The following CAPNS1 variants were observed in gnomAD, a reference collection of about 807,000 sequenced individuals.
CAPNS1 encodes calpain small subunit 1, also known as CANP small subunit.
Under a neutral mutation model 39.2 loss-of-function variants are expected in CAPNS1, and 32 were observed. That is an observed-to-expected ratio of 0.82 (90% confidence interval 0.62 to 1.10). The LOEUF is 1.10. Among genes scored for constraint, CAPNS1 ranks in the 50% least tolerant of loss-of-function variants. The pLI is 0.00. For synonymous variants in CAPNS1, 153 were observed against 136.2 expected (o/e 1.12, Z -0.86); for missense variants, 353 against 373.1 (o/e 0.95, Z 0.44).
At position 36,142,690 on chromosome 19, in the gene CAPNS1, G is replaced by A. The variant is rs1383097631; in HGVS notation, c.282G>A (p.Glu94=). The change falls in exon 4 of 11, where the codon GAG becomes GAA. Residue 94 remains glutamate, a synonymous_variant. Coordinates refer to ENST00000246533, the MANE Select transcript of CAPNS1 (RefSeq NM_001749.4). ...RTHYSNIEAN[E]SEEVRQFRRL... is the part of the protein sequence containing the mutation. ...ATTACTCCAACATTGAGGCCAACGA[G>A]AGTGAGGAGGTCCGGCAGTTCCGGA... 4 of 1,614,180 alleles carry A rather than the reference G, an allele frequency of 2.5e-6. No individual in the cohort carries two copies. In the South Asian group the frequency reaches 4.4e-5, roughly 18 times the overall value.
At chr19:36,144,453 G>C (rs559066196) in intron 6 of CAPNS1, among the ~76,000 whole-genome samples, 1 of 152,318 alleles carries the variant, frequency 6.6e-6, no homozygotes, top group South Asian at 2.1e-4. Context: ...ATACGTGAAG[G>C]TGTATGAGGC....
chr19:36,147,436 C>T (rs17885385), intron 9 of CAPNS1, among the ~76,000 whole-genome samples: 2 of 152,142 alleles, frequency 1.3e-5, no homozygotes, highest in African/African-American at 2.4e-5. Flanking sequence ...AGGTTCTAGG[C>T]AGAGGGAGGA....
rs145643977 is a variant in CAPNS1, at chr19:36,146,302, C to T, written c.711C>T (p.Asp237=). The change falls in exon 9 of 11, where the codon GAC becomes GAT. Residue 237 remains aspartate, a synonymous_variant. Transcript: ENST00000246533. ...TCATCAGCTGCTTGGTCAGGCTGGA[C>T]GCCATGTTCCGTGAGTGACAACCCA... ...DNFISCLVRL[D]AMFRAFKSLD... is the part of the protein sequence containing the mutation. 4,524 of 1,609,430 alleles carry T rather than the reference C, an allele frequency of 2.8e-3. 16 individuals are homozygous for T. The highest frequency in any genetic ancestry group is 2.9e-3 in the Non-Finnish European group (3,437 of 1,175,790).
intron 8 of CAPNS1, 47 bp downstream of exon 8, chr19:36,146,101 A>G (rs757119229): frequency 4.2e-5 from 68 of 1,601,976 alleles, no homozygotes; most frequent in Non-Finnish European, 5.6e-5. Context: ...GATGGGTGAG[A>G]AAACCTCTAC....
At chr19:36,145,765 T>C (rs768400171) in intron 6 of CAPNS1, 41 bp from the exon 7 acceptor site, 1 of 1,566,678 alleles carries the variant, frequency 6.4e-7, no homozygotes, top group Non-Finnish European at 8.8e-7. Context: ...GATGCATGCA[T>C]CTGGGTGTAG....
chr19:36,143,129 G>A lies in CAPNS1; in HGVS notation c.456+1G>A. 6.2e-7 allele frequency: 1 copy of A among 1,613,830 alleles called. No individual in the cohort carries two copies. On this transcript the variant is annotated splice_donor_variant, in intron 6 of 10. Coordinates refer to ENST00000246533, the MANE Select transcript of CAPNS1 (RefSeq NM_001749.4). LOFTEE classifies it high-confidence loss of function. The stretch of plus-strand genomic sequence containing the variant: ...TCGCAGCATGGTGGCCGTGATGGAT[G>A]TATCCTTGGGGGCAGTGTGGGAGAG...
chr19:36,148,524 A>AT (rs1368034144), intron 9 of CAPNS1, among the ~76,000 whole-genome samples: 2 of 149,884 alleles, frequency 1.3e-5, no homozygotes, highest in East Asian at 3.9e-4. Flanking sequence ...AAAAAAAAAA[A>AT]AAAGGGCTGG....
In CAPNS1 at chr19:36,141,056, CGGG is replaced by C; in HGVS notation, c.48_50del (p.Gly20del). On this transcript the variant is annotated inframe_deletion, in exon 2 of 11. Transcript: ENST00000246533. ...TCTTGAAGGGCGGCGGCGGCGGCGG[CGGG>C]GGAGGCGGGGGCCTGGGTGGGGGCC... 1 of 552,600 alleles carries C rather than the reference CGGG, an allele frequency of 1.8e-6. No homozygotes were observed. Among genetic ancestry groups the C allele is most frequent in the Non-Finnish European group, 3.0e-6 (1 of 337,466 alleles). 34.2% of individuals were successfully genotyped at this position (552,600 alleles called of 1,614,324 possible). A position where few individuals can be genotyped will look rare whatever the true frequency, so the allele number is the denominator to read the frequency against.
Position 36,149,952 on chromosome 19 carries a change from C to G in CAPNS1, c.*113C>G. On this transcript the variant is annotated 3_prime_UTR_variant, in exon 11 of 11. Transcript: ENST00000246533. ...TCACATCTTTGTGGGGCCTGCTGACCCACAAGCTTTTGTTCTCTCAGTACT... is the reference window on the plus strand; with the variant it reads ...TCACATCTTTGTGGGGCCTGCTGACGCACAAGCTTTTGTTCTCTCAGTACT... 9.6e-7 allele frequency: 1 copy of G among 1,044,540 alleles called. No individual in the cohort carries two copies. The highest frequency in any genetic ancestry group is 1.3e-6 in the Non-Finnish European group (1 of 770,686). The allele number at this position is 1,044,540 out of a possible 1,614,324, so 64.7% of individuals were successfully genotyped here.
rs746032682 is a variant in CAPNS1 at position 36,143,109 on chromosome 19, G to A, written c.437G>A (p.Ser146Asn). 3.1e-6 allele frequency: 5 copies of A among 1,614,140 alleles called. No individual in the cohort carries two copies. Among genetic ancestry groups the A allele is most frequent in the East Asian group, 2.2e-5 (1 of 44,886 alleles). ...GGTTTTGGCATTGACACATGTCGCAGCATGGTGGCCGTGATGGATGTATCC... is the reference window on the plus strand; with the variant it reads ...GGTTTTGGCATTGACACATGTCGCAACATGGTGGCCGTGATGGATGTATCC... ...TDGFGIDTCR[S>N]MVAVMDSDTT... Residue 146 changes from serine (S) to asparagine (N), a missense_variant, in exon 6 of 11, where the codon AGC (serine) becomes AAC (asparagine). By Grantham distance (46) the Ser-to-Asn change is conservative. Transcript: ENST00000246533.
chr19:36,143,242 C>T, intron 6 of CAPNS1, 114 bp downstream of exon 6: 1 of 899,420 alleles, frequency 1.1e-6, no homozygotes, highest in Non-Finnish European at 1.9e-6. Flanking sequence ...ATGCATTCAT[C>T]AGAACACAGT....
chr19:36,143,808 A>T (rs1974465545), intron 6 of CAPNS1, among the ~76,000 whole-genome samples: 1 of 147,626 alleles, frequency 6.8e-6, no homozygotes, highest in African/African-American at 2.5e-5. Flanking sequence ...GCTTGCAGTG[A>T]GCCGAGATCG....
intron 9 of CAPNS1, chr19:36,147,939 G>C (rs1974632002): frequency 6.6e-6 from 1 of 151,882 alleles, no homozygotes; most frequent in Non-Finnish European, 1.5e-5. Context: ...CAGGCGTGGG[G>C]GCGTGTCTGT....
intron 1 of CAPNS1, chr19:36,140,690 G>T: frequency 3.0e-6 from 1 of 329,668 alleles, no homozygotes; most frequent in East Asian, 6.1e-5. Context: ...CAGACATGTC[G>T]GGAACGCCTT....
At chr19:36,141,475 TC>T in intron 2 of CAPNS1, 1 of 1,264,166 alleles carries the variant, frequency 7.9e-7, no homozygotes, top group East Asian at 3.3e-5. Flanking sequence ...GACAATGTGG[TC>T]CTGAGGGGAC....
chr19:36,145,632 A>T, intron 6 of CAPNS1, 174 bp from the exon 7 acceptor site: 1 of 591,364 alleles, frequency 1.7e-6, no homozygotes, highest in South Asian at 2.1e-5. Context: ...AAGTGACAAT[A>T]TGTATGGATA....
intron 4 of CAPNS1, 70 bp from the exon 5 acceptor site, chr19:36,142,839 T>C: frequency 6.3e-7 from 1 of 1,591,244 alleles, no homozygotes; most frequent in Non-Finnish European, 8.6e-7. Flanking sequence ...AATCCCAGTG[T>C]TCCCATTCTC....
intron 9 of CAPNS1, 86 bp downstream of exon 9, chr19:36,146,398 G>GGGC: frequency 1.2e-6 from 1 of 855,654 alleles, no homozygotes; most frequent in Non-Finnish European, 2.0e-6. Flanking sequence ...ACTTTGAGGT[G>GGGC]GGCGATGCTA....
chr19:36,149,573 T>A lies in CAPNS1; in HGVS notation c.722-5T>A, dbSNP rs553595702. ...GCCGCCAAACCTCTGCATCTCCTCC[T>A]CCAGGTGCCTTCAAATCTCTTGACA... On this transcript the variant is annotated splice_region_variant and splice_polypyrimidine_tract_variant and intron_variant, in intron 9 of 10. Transcript: ENST00000246533. 6.0e-5 allele frequency: 89 copies of A among 1,479,032 alleles called. 1 individual carries two copies. In the East Asian group the frequency reaches 2.3e-3, roughly 38 times the overall value. The allele number at this position is 1,479,032 out of a possible 1,614,324, so 91.6% of individuals were successfully genotyped here. A position where few individuals can be genotyped will look rare whatever the true frequency, so the allele number is the denominator to read the frequency against.
Sources: gnomAD v4.1 joint callset for allele counts (sites outside exome capture counted in the v4.1 genomes callset) on GRCh38, gnomAD v4.1.1 for gene constraint, MANE v1.5 for transcripts, NCBI Gene and HGNC (gene_info 2026-07-23, HGNC 2026-07-21) for gene names.